The following GTF2IRD2 variants were observed in gnomAD, a reference collection of about 807,000 sequenced individuals.
The protein encoded by GTF2IRD2 is GTF2I repeat domain containing 2.
In GTF2IRD2, 8 loss-of-function variants were observed where a neutral mutation model predicts 49.2. The observed-to-expected ratio is 0.16, with a 90% CI of 0.10 to 0.29. GTF2IRD2 has a LOEUF of 0.29. Ranked by LOEUF, GTF2IRD2 falls within the 10% of genes least tolerant of loss-of-function variation. The pLI, the probability that GTF2IRD2 is intolerant of heterozygous loss-of-function variation, is 1.00. For synonymous variants in GTF2IRD2, 47 were observed against 289.7 expected, an observed-to-expected ratio of 0.16 and a Z score of 8.51; for missense variants, 130 against 725.7, an observed-to-expected ratio of 0.18 and a Z score of 9.43.
At chr7:74,837,985 C>T (rs1390260711) in intron 1 of GTF2IRD2, among the ~76,000 whole-genome samples, 3 of 88,798 alleles carry the variant, frequency 3.4e-5, no homozygotes, top group African/African-American at 8.8e-5. Context: ...CTCCTGACCG[C>T]GTGATCCGCC....
chr7:74,843,020 G>T (rs1410527305), intron 1 of GTF2IRD2, among the ~76,000 whole-genome samples: 1 of 65,946 alleles, frequency 1.5e-5, no homozygotes, highest in Admixed American at 1.7e-4. Flanking sequence ...CCGCCTCCCG[G>T]GTTCAAGCAA....
At chr7:74,837,756 CT>C (rs1250122528) in intron 1 of GTF2IRD2, among the ~76,000 whole-genome samples, 7 of 2,704 alleles carry the variant, frequency 2.6e-3, no homozygotes, top group African/African-American at 3.2e-3. Context: ...TGCACCCAGT[CT>C]TTTTTTTTTT....
Position 74,829,499 on chromosome 7 carries a change from C to G in GTF2IRD2, c.238+3306G>C, listed in dbSNP as rs1235173497. The stretch of plus-strand genomic sequence containing the variant: ...GGCAGGCTTAATATTGCTAAGATAT[C>G]TGTACTACCAAAAGCCATCTACAGA... On this transcript the variant is annotated intron_variant, in intron 3 of 15. Coordinates refer to ENST00000451013, the MANE Select transcript of GTF2IRD2 (RefSeq NM_173537.5). Among the ~76,000 whole-genome samples the G allele has an allele frequency of 3.1e-5, 4 of 129,782 alleles. No homozygotes were observed. The Admixed American group carries it at 3.3e-4, about 11-fold the overall frequency. The allele number at this position is 129,782 out of a possible 152,430, so 85.1% of individuals were successfully genotyped here.
At chr7:74,798,729 G>A (rs1324653672) in intron 15 of GTF2IRD2, among the ~76,000 whole-genome samples, 2 of 134,468 alleles carry the variant, frequency 1.5e-5, no homozygotes, top group African/African-American at 5.7e-5. Context: ...GGCTGGTCTC[G>A]AACTCCTGAC....
chr7:74,825,920 C>A (rs1212244918), intron 3 of GTF2IRD2, among the ~76,000 whole-genome samples: 2 of 151,822 alleles, frequency 1.3e-5, no homozygotes, highest in East Asian at 3.9e-4. Context: ...CCTGCCTCAG[C>A]CTCCTGAGTA....
chr7:74,819,060 G>A (rs1798705498), intron 8 of GTF2IRD2: 1 of 184,190 alleles, frequency 5.4e-6, no homozygotes, highest in Non-Finnish European at 1.1e-5. Flanking sequence ...AAGTAGCTGG[G>A]ACTACAGGCG....
At chr7:74,798,569 C>T (rs1197405466) in intron 15 of GTF2IRD2, among the ~76,000 whole-genome samples, 1 of 150,732 alleles carries the variant, frequency 6.6e-6, no homozygotes, top group Non-Finnish European at 1.5e-5. Context: ...AGTGCAGTGG[C>T]GCAATCTCGG....
chr7:74,796,715 A>G lies in GTF2IRD2; in HGVS notation c.2797T>C (p.Cys933Arg). 2 of 606,328 alleles carry G rather than the reference A, an allele frequency of 3.3e-6. No homozygotes were observed. The highest frequency in any genetic ancestry group is 5.8e-6 in the Non-Finnish European group (2 of 343,416). The allele number at this position is 606,328 out of a possible 1,614,324, so 37.6% of individuals were successfully genotyped here. Residue 933 changes from cysteine (C) to arginine (R), a missense_variant, in exon 16 of 16, where the codon TGC becomes CGC. Transcript: ENST00000451013. ...CACTGGGAATCCTTTAACTGGGAGC[A>G]GTATTTTGTTTTGCTCAGTTTCATA... ...SIMKLSKTKY[C>R]SQLKDSQWDS...
At chr7:74,829,895 A>AAACAAACAAAC (rs1584399511) in intron 3 of GTF2IRD2, among the ~76,000 whole-genome samples, 822 of 35,270 alleles carry the variant, frequency 0.023, 24 homozygotes, top group African/African-American at 0.069. Flanking sequence ...CTCAAAAAAA[A>AAACAAACAAAC]AAAAAAATTC....
At chr7:74,841,437 G>A (rs1554421855) in intron 1 of GTF2IRD2, among the ~76,000 whole-genome samples, 5 of 133,436 alleles carry the variant, frequency 3.7e-5, no homozygotes. Context: ...CCGAAGCCCT[G>A]TGATTACAGC....
chr7:74,833,204 A>C (rs1190244398), intron 2 of GTF2IRD2, among the ~76,000 whole-genome samples: 1 of 83,956 alleles, frequency 1.2e-5, no homozygotes, highest in African/African-American at 4.0e-5. Flanking sequence ...AGGCGCCTGC[A>C]ACCACGCCTG....
chr7:74,825,669 A>C (rs2131733823), intron 3 of GTF2IRD2, among the ~76,000 whole-genome samples: 1 of 151,158 alleles, frequency 6.6e-6, no homozygotes, highest in African/African-American at 2.4e-5. Context: ...GCTCCTCCAA[A>C]AGTTTTAAAA....
intron 7 of GTF2IRD2, 104 bp from the exon 8 acceptor site, chr7:74,819,701 C>T (rs1420327361): frequency 1.7e-6 from 1 of 590,768 alleles, no homozygotes; most frequent in Admixed American, 3.1e-5. Flanking sequence ...AGCACCAAAT[C>T]CCCCTCCTCC....
intron 15 of GTF2IRD2, among the ~76,000 whole-genome samples, chr7:74,798,822 T>C (rs1215841901): frequency 6.9e-6 from 1 of 145,086 alleles, no homozygotes; most frequent in Non-Finnish European, 1.5e-5. Flanking sequence ...TCTTCAGGTT[T>C]TCTAAAGAAA....
chr7:74,826,786 A>G (rs1234142910), intron 3 of GTF2IRD2, among the ~76,000 whole-genome samples: 4 of 119,928 alleles, frequency 3.3e-5, no homozygotes, highest in African/African-American at 1.3e-4. Context: ...ATCTCGGCTC[A>G]CTGCAACCTC....
At chr7:74,844,360 TTTTATTTATTTATTTA>T (rs1194941580) in intron 1 of GTF2IRD2, among the ~76,000 whole-genome samples, 1 of 13,182 alleles carries the variant, frequency 7.6e-5, no homozygotes, top group Non-Finnish European at 1.4e-4. Flanking sequence ...ATTATGTTTT[TTTTATTTATTTATTTA>T]TTTATTTATT....
At chr7:74,823,661 C>A (rs1799113014) in intron 4 of GTF2IRD2, among the ~76,000 whole-genome samples, 1 of 126,566 alleles carries the variant, frequency 7.9e-6, no homozygotes, top group Non-Finnish European at 1.7e-5. Flanking sequence ...ATCTTCATGC[C>A]TATGGAAAGA....
chr7:74,815,842 G>C (rs2131691027), intron 8 of GTF2IRD2, among the ~76,000 whole-genome samples: 1 of 106,964 alleles, frequency 9.3e-6, no homozygotes, highest in South Asian at 3.1e-4. Context: ...AAGAAAGAAA[G>C]AAAGAAAGAA....
At chr7:74,836,843 G>C (rs1228874235) in intron 1 of GTF2IRD2, among the ~76,000 whole-genome samples, 1 of 148,200 alleles carries the variant, frequency 6.7e-6, no homozygotes, top group African/African-American at 2.6e-5. Flanking sequence ...TGGGATTATA[G>C]GTGTGAGCCA....
Sources: gnomAD v4.1 joint callset for allele counts (sites outside exome capture counted in the v4.1 genomes callset) on GRCh38, gnomAD v4.1.1 for gene constraint, MANE v1.5 for transcripts, NCBI Gene and HGNC (gene_info 2026-07-23, HGNC 2026-07-21) for gene names.